KDM2A: variants seen among roughly 807,000 people sequenced by gnomAD.
The protein encoded by KDM2A is lysine demethylase 2A.
A neutral mutation model predicts 137.3 loss-of-function variants in KDM2A; 3 were observed. The ratio of observed to expected loss-of-function variants is 0.02; its 90% CI spans 0.01 to 0.06. KDM2A has a LOEUF of 0.06. Ranked by LOEUF, KDM2A falls within the 10% of genes least tolerant of loss-of-function variation. KDM2A has a pLI of 1.00. For synonymous variants in KDM2A, 512 were observed against 541.5 expected (o/e 0.95, Z 0.76); for missense variants, 738 against 1,510.6 (o/e 0.49, Z 8.48).
chr11:67,124,042 T>C (rs1185419201), intron 2 of KDM2A, among the ~76,000 whole-genome samples: 1 of 151,954 alleles, frequency 6.6e-6, no homozygotes, highest in Admixed American at 6.6e-5. Flanking sequence ...CTCGCTCTGT[T>C]GCCCAGGCTG....
chr11:67,171,847 G>A (rs1030434743), intron 2 of KDM2A, among the ~76,000 whole-genome samples: 1 of 152,228 alleles, frequency 6.6e-6, no homozygotes, highest in Non-Finnish European at 1.5e-5. Context: ...TCAATTCACT[G>A]TAAGTGTAAG....
At chr11:67,192,472 A>G (rs1189394597) in intron 5 of KDM2A, among the ~76,000 whole-genome samples, 13 of 94,040 alleles carry the variant, frequency 1.4e-4, no homozygotes, top group Non-Finnish European at 2.0e-4. Context: ...GAGATGGAGC[A>G]TCTCTCTTGG....
rs1345848875 is a variant in KDM2A at position 67,180,069 on chromosome 11, T to G, written c.43-10T>G. On this transcript the variant is annotated splice_polypyrimidine_tract_variant and intron_variant, in intron 2 of 20. Coordinates refer to ENST00000529006, the MANE Select transcript of KDM2A (RefSeq NM_012308.3). ...GCATGATTTCATCAGTATGTTCCTT[T>G]CTTTCCTAGCGTGGTACCATGCGAC... 6.2e-7 allele frequency: 1 copy of G among 1,608,714 alleles called. No individual in the cohort carries two copies. Among genetic ancestry groups the G allele is most frequent in the African/African-American group, 1.3e-5 (1 of 74,682 alleles).
intron 5 of KDM2A, among the ~76,000 whole-genome samples, chr11:67,201,816 TTGG>T (rs1436046099): frequency 2.1e-5 from 3 of 141,944 alleles, no homozygotes; most frequent in Non-Finnish European, 4.5e-5. Flanking sequence ...TTAGCCATGC[TTGG>T]TGGTGTACAC....
intron 13 of KDM2A, chr11:67,244,935 G>A (rs181439619): frequency 4.5e-5 from 18 of 400,872 alleles, no homozygotes; most frequent in East Asian, 9.3e-5. Flanking sequence ...GCAGTGAGCC[G>A]AGATCATGCC....
At chr11:67,233,138 A>T (rs1422378033) in intron 12 of KDM2A, among the ~76,000 whole-genome samples, 1 of 152,190 alleles carries the variant, frequency 6.6e-6, no homozygotes, top group Non-Finnish European at 1.5e-5. Context: ...AACAATGGGT[A>T]TGTATATTAG....
intron 2 of KDM2A, among the ~76,000 whole-genome samples, chr11:67,160,248 G>T (rs746325675): frequency 6.6e-6 from 1 of 152,172 alleles, no homozygotes; most frequent in Non-Finnish European, 1.5e-5. Flanking sequence ...TGTCTTTGTA[G>T]CCTCGAGGGA....
chr11:67,245,930 G>T lies in KDM2A; in HGVS notation c.1834-55G>T, dbSNP rs1396470023. ...TCCCATCTTCAGTTTAAGGGAAACT[G>T]AAATGATAAAGATCTGAGTCAGTTC... On this transcript the variant is annotated intron_variant, in intron 14 of 20. Transcript: ENST00000529006. This position sits in a 1 kb window ranked among gnomAD's most constrained non-coding sequence, Gnocchi z 4.1. The T allele has an allele frequency of 2.5e-6, 4 of 1,599,860 alleles. No individual in the cohort carries two copies. The highest frequency in any genetic ancestry group is 3.4e-6 in the Non-Finnish European group (4 of 1,170,186).
At chr11:67,217,969 A>G in intron 9 of KDM2A, 85 bp downstream of exon 9, 1 of 1,203,046 alleles carries the variant, frequency 8.3e-7, no homozygotes, top group Non-Finnish European at 1.1e-6. Context: ...AAGAATAGTT[A>G]TGATGCTGGG....
intron 5 of KDM2A, among the ~76,000 whole-genome samples, chr11:67,198,393 T>C (rs1003147341): frequency 1.3e-5 from 2 of 151,928 alleles, no homozygotes; most frequent in African/African-American, 4.8e-5. Context: ...ATTTTTCCAA[T>C]AGCATATGCT....
In KDM2A at chr11:67,257,062, G is replaced by A. The variant is rs1436102168; in HGVS notation, c.*2007G>A. 6.6e-6 allele frequency: 1 copy of A among 152,356 alleles called. No individual in the cohort carries two copies. Among genetic ancestry groups the A allele is most frequent in the Non-Finnish European group, 1.5e-5 (1 of 68,022 alleles). 9.4% of individuals were successfully genotyped at this position (152,356 alleles called of 1,614,324 possible). A position where few individuals can be genotyped will look rare whatever the true frequency, so the allele number is the denominator to read the frequency against. On this transcript the variant is annotated 3_prime_UTR_variant, in exon 21 of 21. Transcript: ENST00000529006. ...AAGCTTCCTGCCTTTTTCTTTGGTT[G>A]CTCCTGTGGAAAATACTGAAAAGAT... is the stretch of plus-strand genomic sequence containing the variant.
chr11:67,170,784 T>C lies in KDM2A; in HGVS notation c.43-9295T>C, dbSNP rs187621177. On this transcript the variant is annotated intron_variant, in intron 2 of 20. Transcript: ENST00000529006. ...CCCACCACTACACCTTCTCTCTCTC[T>C]GCCAGACCCATTTAAGCTGTATCTG... Among the ~76,000 whole-genome samples, 269 of 152,246 alleles carry C rather than the reference T, an allele frequency of 1.8e-3. 4 individuals carry two copies. Among genetic ancestry groups the C allele is most frequent in the East Asian group, 7.5e-3 (39 of 5,180 alleles).
intron 2 of KDM2A, among the ~76,000 whole-genome samples, chr11:67,165,088 GTA>G (rs1283637162): frequency 6.6e-6 from 1 of 151,776 alleles, no homozygotes; most frequent in Non-Finnish European, 1.5e-5. Context: ...ACGGGTAGGA[GTA>G]TATGTGTTTG....
At chr11:67,207,897 G>A (rs1404292640) in intron 6 of KDM2A, among the ~76,000 whole-genome samples, 5 of 152,094 alleles carry the variant, frequency 3.3e-5, no homozygotes, top group African/African-American at 1.2e-4. Context: ...TGGGTGTGAT[G>A]GCACATGTCT....
At chr11:67,190,685 G>C (rs906024750) in intron 5 of KDM2A, among the ~76,000 whole-genome samples, 2 of 151,970 alleles carry the variant, frequency 1.3e-5, no homozygotes, top group African/African-American at 4.8e-5. Context: ...CGCTTGAACT[G>C]AGGAGGCGGA....
intron 15 of KDM2A, among the ~76,000 whole-genome samples, chr11:67,247,075 T>TAA (rs1565424323): frequency 4.8e-5 from 3 of 62,732 alleles, no homozygotes; most frequent in African/African-American, 8.4e-5. Flanking sequence ...ATATATATTT[T>TAA]TTTTTTTTTT....
chr11:67,142,167 T>C lies in KDM2A; in HGVS notation c.42+20809T>C, dbSNP rs957522901. ...GATTCTCCTGGCTCAGCCTCCTGAG[T>C]AATGGTTTACAGGTGTGCATCACCA... is the stretch of plus-strand genomic sequence containing the variant. On this transcript the variant is annotated intron_variant, in intron 2 of 20. Coordinates refer to ENST00000529006, the MANE Select transcript of KDM2A (RefSeq NM_012308.3). Among the ~76,000 whole-genome samples, 9 of 151,586 alleles carry C rather than the reference T, an allele frequency of 5.9e-5. No individual in the cohort carries two copies. The South Asian group carries it at 1.3e-3, about 21-fold the overall frequency.
chr11:67,124,462 C>T (rs1855671111), intron 2 of KDM2A, among the ~76,000 whole-genome samples: 2 of 152,014 alleles, frequency 1.3e-5, no homozygotes, highest in South Asian at 4.2e-4. Context: ...CAGGCGCCTG[C>T]CACCATGCCC....
chr11:67,165,373 C>T (rs1384206393), intron 2 of KDM2A, among the ~76,000 whole-genome samples: 5 of 152,134 alleles, frequency 3.3e-5, no homozygotes, highest in African/African-American at 1.2e-4. Flanking sequence ...CTGCCCACCT[C>T]AGCCTCCCAA....
Sources: allele counts gnomAD v4.1 joint callset (sites outside exome capture counted in the v4.1 genomes callset), GRCh38; gene constraint gnomAD v4.1.1; non-coding constraint Gnocchi (gnomAD v3.1); transcripts MANE v1.5; gene names NCBI Gene and HGNC (gene_info 2026-07-23, HGNC 2026-07-21).